Variants in PRTG observed in about 807,000 individuals in gnomAD.
The protein encoded by PRTG is immunoglobulin superfamily, DCC subclass, member 5.
A neutral mutation model predicts 122.5 loss-of-function variants in PRTG; 67 were observed. The ratio of observed to expected loss-of-function variants is 0.55; its 90% CI spans 0.45 to 0.67. The LOEUF (loss-of-function observed/expected upper bound fraction) is 0.67. Among genes scored for constraint, PRTG ranks in the 30% least tolerant of loss-of-function variants. The pLI is 0.00. For missense variants in PRTG, 1,435 were observed against 1,415.4 expected (o/e 1.01, Z -0.22); for synonymous variants, 554 against 501.1 (o/e 1.11, Z -1.41).
chr15:55,671,511 T>C (rs1249057784), intron 11 of PRTG, among the ~76,000 whole-genome samples: 1 of 152,254 alleles, frequency 6.6e-6, no homozygotes, highest in African/African-American at 2.4e-5. Flanking sequence ...TTTCTTTTTT[T>C]TGAGACAGAA....
In PRTG at chr15:55,612,696, CAA is replaced by C. The variant is rs1491356530; in HGVS notation, c.*7314_*7315del. ...ATTCTCTCTTTAACTCTTTAAAAGCCAATATATATATATATATATATATATAT... is the reference window on the plus strand; with the variant it reads ...ATTCTCTCTTTAACTCTTTAAAAGCCTATATATATATATATATATATATAT... On this transcript the variant is annotated 3_prime_UTR_variant, in exon 20 of 20. Transcript: ENST00000389286. 5.1e-4 allele frequency: 46 copies of C among 90,580 alleles called. 1 individual carries two copies. Among genetic ancestry groups the C allele is most frequent in the African/African-American group, 1.7e-3 (30 of 17,366 alleles). The allele number at this position is 90,580 out of a possible 1,614,324, so 5.6% of individuals were successfully genotyped here. A position where few individuals can be genotyped will look rare whatever the true frequency, so the allele number is the denominator to read the frequency against.
Position 55,639,694 on chromosome 15 carries a change from G to A in PRTG, c.2272C>T (p.Arg758Cys), listed in dbSNP as rs755406322. 1.5e-5 allele frequency: 24 copies of A among 1,614,100 alleles called. No homozygotes were observed. Among genetic ancestry groups the A allele is most frequent in the Non-Finnish European group, 1.9e-5 (23 of 1,180,020 alleles). Residue 758 changes from arginine to cysteine, a missense_variant, in exon 13 of 20, where the codon CGC becomes TGC. Transcript: ENST00000389286. ...TAAQIINYTI[R>C]CNPVGLQNAS... is the part of the protein sequence containing the mutation. ...TTCTGCAGGCCAACAGGATTACAGC[G>A]GATGGTGTAGTTAATGATTTGTGCA...
At chr15:55,620,611 T>C in intron 19 of PRTG, 52 bp downstream of exon 19, 11 of 1,542,224 alleles carry the variant, frequency 7.1e-6, no homozygotes, top group Non-Finnish European at 9.6e-6. Context: ...TTTTAAATCA[T>C]CATTTCATAT....
At position 55,628,744 on chromosome 15, in the gene PRTG, G is replaced by A. The variant is rs1208610927; in HGVS notation, c.2806+78C>T. 2.6e-6 allele frequency: 3 copies of A among 1,135,234 alleles called. No homozygotes were observed. In the African/African-American group the frequency reaches 4.6e-5, roughly 17 times the overall value. 70.3% of individuals were successfully genotyped at this position (1,135,234 alleles called of 1,614,324 possible). A position where few individuals can be genotyped will look rare whatever the true frequency, so the allele number is the denominator to read the frequency against. ...GAGCCGGTTTAGGGATACAGCAATT[G>A]TAGGAGCAGAAATAATGTGTAAGGA... On this transcript the variant is annotated intron_variant, in intron 16 of 19. Transcript: ENST00000389286.
intron 2 of PRTG, among the ~76,000 whole-genome samples, chr15:55,704,007 G>A (rs1003132477): frequency 6.6e-6 from 1 of 152,020 alleles, no homozygotes; most frequent in Non-Finnish European, 1.5e-5. Context: ...AAATGGTACA[G>A]AAAAAACATG....
chr15:55,724,364 G>T (rs1276716454), intron 2 of PRTG, among the ~76,000 whole-genome samples: 2 of 151,952 alleles, frequency 1.3e-5, no homozygotes, highest in African/African-American at 4.8e-5. Context: ...CTGCTGTTTG[G>T]GTGAATATAA....
At position 55,628,163 on chromosome 15, in the gene PRTG, C is replaced by T. The variant is rs116260753; in HGVS notation, c.2806+659G>A. On this transcript the variant is annotated intron_variant, in intron 16 of 19. Coordinates refer to ENST00000389286, the MANE Select transcript of PRTG (RefSeq NM_173814.6). ...CGAATGACCATTCTCTGTGAAGCTA[C>T]GAGCCCTTAATCCTGCCCTGAGTTC... Among the ~76,000 whole-genome samples the T allele has an allele frequency of 3.5e-4, 53 of 152,218 alleles. 1 individual carries two copies. Among genetic ancestry groups the T allele is most frequent in the African/African-American group, 1.3e-3 (53 of 41,536 alleles).
chr15:55,630,559 T>C (rs2059222305), intron 15 of PRTG, among the ~76,000 whole-genome samples: 1 of 152,228 alleles, frequency 6.6e-6, no homozygotes, highest in Non-Finnish European at 1.5e-5. Flanking sequence ...GATCTACTTC[T>C]CTTCATAAGC....
At position 55,613,325 on chromosome 15, in the gene PRTG, T is replaced by A. The variant is rs937324471; in HGVS notation, c.*6687A>T. Reference sequence around the variant, plus strand: ...GACCTAACAAGAAAGGATTACTGTTTACACACCTGACTTTTTCAAGTCAAT... The same window carrying A: ...GACCTAACAAGAAAGGATTACTGTTAACACACCTGACTTTTTCAAGTCAAT... On this transcript the variant is annotated 3_prime_UTR_variant, in exon 20 of 20. Coordinates refer to ENST00000389286, the MANE Select transcript of PRTG (RefSeq NM_173814.6). 1 of 152,150 alleles carries A rather than the reference T, an allele frequency of 6.6e-6. No individual in the cohort carries two copies. Among genetic ancestry groups the A allele is most frequent in the African/African-American group, 2.4e-5 (1 of 41,444 alleles). The allele number at this position is 152,150 out of a possible 1,614,324, so 9.4% of individuals were successfully genotyped here. A position where few individuals can be genotyped will look rare whatever the true frequency, so the allele number is the denominator to read the frequency against.
chr15:55,699,416 A>G (rs2059649816), intron 2 of PRTG, among the ~76,000 whole-genome samples: 1 of 152,200 alleles, frequency 6.6e-6, no homozygotes, highest in Non-Finnish European at 1.5e-5. Context: ...AATGAACCTA[A>G]AAGTCATAGT....
chr15:55,645,078 G>A (rs1333581114), intron 11 of PRTG, among the ~76,000 whole-genome samples: 1 of 152,076 alleles, frequency 6.6e-6, no homozygotes, highest in African/African-American at 2.4e-5. Context: ...CAGAGACCCT[G>A]GAATATCCTG....
chr15:55,674,717 A>G (rs2059492456), intron 9 of PRTG, among the ~76,000 whole-genome samples: 1 of 152,178 alleles, frequency 6.6e-6, no homozygotes, highest in Admixed American at 6.5e-5. Flanking sequence ...AGATTTGGAG[A>G]TTATATAAAA....
rs375222281 is a variant in PRTG, at chr15:55,673,462, G to A, written c.1761C>T (p.Tyr587=). 3.3e-5 allele frequency: 53 copies of A among 1,614,002 alleles called. No homozygotes were observed. In the East Asian group the frequency reaches 1.1e-3, roughly 33 times the overall value. The change falls in exon 10 of 20, where the codon TAC becomes TAT. Residue 587 remains tyrosine, a synonymous_variant. Transcript: ENST00000389286. The stretch of plus-strand genomic sequence containing the variant: ...TGGTGGCAGCAGTAATCCGAACCAG[G>A]TAGACACTGTCAGGTTTCAGGCCTT... The part of the protein sequence containing the change: ...LLEGLKPDSV[Y]LVRITAATRV...
intron 2 of PRTG, chr15:55,702,898 T>C (rs2029946032): frequency 1.0e-6 from 1 of 985,224 alleles, no homozygotes; most frequent in Non-Finnish European, 1.2e-6. Context: ...GACAGACCTT[T>C]TACAGGCTGC....
chr15:55,709,908 T>C (rs2030313185), intron 2 of PRTG, among the ~76,000 whole-genome samples: 1 of 152,214 alleles, frequency 6.6e-6, no homozygotes, highest in South Asian at 2.1e-4. Context: ...GATGAGTATG[T>C]TCTCATTGTG....
intron 2 of PRTG, among the ~76,000 whole-genome samples, chr15:55,692,899 C>T (rs375478837): frequency 1.2e-4 from 15 of 125,438 alleles, no homozygotes; most frequent in East Asian, 2.5e-4. Context: ...GGAGTGCAGT[C>T]GTGCGATCTC....
At chr15:55,725,741 T>C (rs2031007078) in intron 2 of PRTG, among the ~76,000 whole-genome samples, 1 of 152,180 alleles carries the variant, frequency 6.6e-6, no homozygotes, top group Non-Finnish European at 1.5e-5. Context: ...TAAAAACTCA[T>C]GATTGAACTG....
intron 2 of PRTG, among the ~76,000 whole-genome samples, chr15:55,735,088 T>C (rs1206559195): frequency 6.6e-6 from 1 of 152,172 alleles, no homozygotes; most frequent in Non-Finnish European, 1.5e-5. Context: ...ATGAAGAGTC[T>C]GGGCACTGTA....
Position 55,618,797 on chromosome 15 carries a change from T to G in PRTG, c.*1215A>C, listed in dbSNP as rs1475935212. 6.6e-6 allele frequency: 1 copy of G among 152,168 alleles called. No individual in the cohort carries two copies. Among genetic ancestry groups the G allele is most frequent in the Non-Finnish European group, 1.5e-5 (1 of 68,034 alleles). 9.4% of individuals were successfully genotyped at this position (152,168 alleles called of 1,614,324 possible). ...TTACTGATAAAATCCAAGAAACTCT[T>G]AAGGCAACTTTTTGTACTCCTGTTC... On this transcript the variant is annotated 3_prime_UTR_variant, in exon 20 of 20. Coordinates refer to ENST00000389286, the MANE Select transcript of PRTG (RefSeq NM_173814.6).
Sources: allele counts gnomAD v4.1 joint callset (sites outside exome capture counted in the v4.1 genomes callset), GRCh38; gene constraint gnomAD v4.1.1; transcripts MANE v1.5; gene names NCBI Gene and HGNC (gene_info 2026-07-23, HGNC 2026-07-21).